The following SPATS2 variants were observed in gnomAD, a reference collection of about 807,000 sequenced individuals.
SPATS2 encodes the protein spermatogenesis-associated serine-rich protein 2.
A neutral mutation model predicts 63.7 loss-of-function variants in SPATS2; 38 were observed. The ratio of observed to expected loss-of-function variants is 0.60; its 90% CI spans 0.46 to 0.78. SPATS2 has a LOEUF of 0.78. Among genes scored for constraint, SPATS2 ranks in the 30% least tolerant of loss-of-function variants. SPATS2 has a pLI of 0.00. For missense variants in SPATS2, 588 were observed against 666.2 expected (o/e 0.88, Z 1.29); for synonymous variants, 207 against 232.9 (o/e 0.89, Z 1.01).
intron 2 of SPATS2, among the ~76,000 whole-genome samples, chr12:49,377,269 A>G (rs979835304): frequency 2.0e-5 from 3 of 152,148 alleles, no homozygotes; most frequent in African/African-American, 7.2e-5. Context: ...TGTTATGATG[A>G]TCCTATAAAT....
intron 2 of SPATS2, among the ~76,000 whole-genome samples, chr12:49,437,382 C>A (rs953648136): frequency 6.8e-6 from 1 of 148,100 alleles, no homozygotes; most frequent in African/African-American, 2.5e-5. Flanking sequence ...ACATCCCAGA[C>A]GATGGGCGGC....
At chr12:49,476,382 A>C (rs192202742) in intron 3 of SPATS2, among the ~76,000 whole-genome samples, 3 of 152,234 alleles carry the variant, frequency 2.0e-5, no homozygotes, top group African/African-American at 7.2e-5. Flanking sequence ...GCCGAGAGCT[A>C]CTTCCACTCA....
intron 2 of SPATS2, among the ~76,000 whole-genome samples, chr12:49,434,452 C>T (rs988934579): frequency 1.3e-5 from 2 of 152,170 alleles, no homozygotes; most frequent in Admixed American, 6.6e-5. Context: ...TCCTCCTCCC[C>T]GCCAGCCCTT....
intron 9 of SPATS2, among the ~76,000 whole-genome samples, chr12:49,510,469 CG>C (rs1946733607): frequency 6.8e-6 from 1 of 146,300 alleles, no homozygotes; most frequent in Non-Finnish European, 1.5e-5. Context: ...AGGGCTGAGG[CG>C]GGAGGATTGC....
chr12:49,455,636 G>A (rs191087437), intron 2 of SPATS2, among the ~76,000 whole-genome samples: 1 of 152,108 alleles, frequency 6.6e-6, no homozygotes, highest in East Asian at 1.9e-4. Context: ...ATGTTTGTTT[G>A]TTTGAGACAG....
At chr12:49,452,424 C>T (rs952811948) in intron 2 of SPATS2, among the ~76,000 whole-genome samples, 3 of 152,178 alleles carry the variant, frequency 2.0e-5, no homozygotes, top group Admixed American at 6.6e-5. Flanking sequence ...GGGCTACAGG[C>T]ATGCGCCACC....
intron 3 of SPATS2, among the ~76,000 whole-genome samples, chr12:49,479,181 G>A (rs1484400034): frequency 6.6e-6 from 1 of 152,210 alleles, no homozygotes. Flanking sequence ...CAGTTGGTCC[G>A]TGGGTGGCCA....
At chr12:49,431,398 G>A (rs372459703) in intron 2 of SPATS2, among the ~76,000 whole-genome samples, 4 of 152,066 alleles carry the variant, frequency 2.6e-5, no homozygotes, top group Admixed American at 1.3e-4. Flanking sequence ...ACAGGCACGC[G>A]CCACCACGCC....
At chr12:49,502,565 C>T (rs1946583383) in intron 9 of SPATS2, among the ~76,000 whole-genome samples, 1 of 152,214 alleles carries the variant, frequency 6.6e-6, no homozygotes, top group African/African-American at 2.4e-5. Context: ...ATCCTCCCAC[C>T]CTCAGCCTCC....
At chr12:49,523,514 G>A in intron 12 of SPATS2, among the ~76,000 whole-genome samples, 1 of 151,822 alleles carries the variant, frequency 6.6e-6, no homozygotes, top group East Asian at 1.9e-4. Flanking sequence ...ATAAATAGGA[G>A]AAAATAATAC....
intron 6 of SPATS2, 183 bp downstream of exon 6, chr12:49,490,914 G>A: frequency 3.7e-6 from 2 of 544,366 alleles, no homozygotes; most frequent in Non-Finnish European, 6.5e-6. Flanking sequence ...GGCCAAGGCA[G>A]GTGGATCACT....
Position 49,526,519 on chromosome 12 carries a change from C to T in SPATS2, c.*264C>T. 2.2e-6 allele frequency: 1 copy of T among 457,978 alleles called. No homozygotes were observed. Among genetic ancestry groups the T allele is most frequent in the Non-Finnish European group, 3.9e-6 (1 of 259,674 alleles). The allele number at this position is 457,978 out of a possible 1,614,324, so 28.4% of individuals were successfully genotyped here. A position where few individuals can be genotyped will look rare whatever the true frequency, so the allele number is the denominator to read the frequency against. On this transcript the variant is annotated 3_prime_UTR_variant, in exon 14 of 14. Coordinates refer to ENST00000552918, the MANE Select transcript of SPATS2 (RefSeq NM_023071.4). Reference sequence around the variant, plus strand: ...CACCAGGAATCAGAGGCAGCTGTTACCAGGTTTCGGCCTTCCAGTTGATCC... The same window carrying T: ...CACCAGGAATCAGAGGCAGCTGTTATCAGGTTTCGGCCTTCCAGTTGATCC...
intron 9 of SPATS2, among the ~76,000 whole-genome samples, chr12:49,503,305 G>C (rs559148561): frequency 6.6e-6 from 1 of 151,328 alleles, no homozygotes; most frequent in Non-Finnish European, 1.5e-5. Flanking sequence ...AGCTGAGATC[G>C]CGCCATTGCA....
At chr12:49,414,389 G>A (rs772613581) in intron 2 of SPATS2, among the ~76,000 whole-genome samples, 1 of 152,004 alleles carries the variant, frequency 6.6e-6, no homozygotes, top group Non-Finnish European at 1.5e-5. Flanking sequence ...ATCTGAACTA[G>A]GAGTAGGCAA....
Position 49,524,878 on chromosome 12 carries a change from C to T in SPATS2, c.1308C>T (p.Pro436=). 2.5e-6 allele frequency: 4 copies of T among 1,612,340 alleles called. No homozygotes were observed. Among genetic ancestry groups the T allele is most frequent in the Non-Finnish European group, 2.5e-6 (3 of 1,179,762 alleles). ...CCATAGCAAACTCCAGTGGCCAGCC[C>T]TACCAGCCACTTCGGGAGGTAACCT... ...PAAIANSSGQ[P]YQPLREVLPG... is the part of the protein sequence containing the mutation. The change falls in exon 13 of 14, where the codon CCC becomes CCT. Residue 436 remains proline, a synonymous_variant. Transcript: ENST00000552918.
At chr12:49,454,903 C>T (rs1266523324) in intron 2 of SPATS2, among the ~76,000 whole-genome samples, 4 of 150,862 alleles carry the variant, frequency 2.7e-5, no homozygotes, top group Non-Finnish European at 4.4e-5. Context: ...AAAAAACAGT[C>T]CATTCTGCAC....
At chr12:49,393,097 G>C (rs543259929) in intron 2 of SPATS2, among the ~76,000 whole-genome samples, 1 of 152,216 alleles carries the variant, frequency 6.6e-6, no homozygotes, top group East Asian at 1.9e-4. Flanking sequence ...CCAGTGCTTT[G>C]TCTCACCTTA....
At chr12:49,464,494 G>C (rs186695437) in intron 3 of SPATS2, among the ~76,000 whole-genome samples, 1 of 151,492 alleles carries the variant, frequency 6.6e-6, no homozygotes, top group African/African-American at 2.4e-5. Flanking sequence ...GGGTGTGGTG[G>C]TGCATGCCTG....
intron 2 of SPATS2, among the ~76,000 whole-genome samples, chr12:49,428,022 G>A (rs948487739): frequency 3.3e-5 from 5 of 152,132 alleles, no homozygotes; most frequent in East Asian, 1.9e-4. Flanking sequence ...TTGGGAGGCC[G>A]AGGTGGGCGG....
Sources: gnomAD v4.1 joint callset for allele counts (sites outside exome capture counted in the v4.1 genomes callset) on GRCh38, gnomAD v4.1.1 for gene constraint, MANE v1.5 for transcripts, NCBI Gene and HGNC (gene_info 2026-07-23, HGNC 2026-07-21) for gene names.